Variants in CC2D2B observed in about 807,000 individuals in gnomAD.
CC2D2B encodes coiled-coil and C2 domain containing 2B.
Under a neutral mutation model 161.2 loss-of-function variants are expected in CC2D2B, and 128 were observed. That is an observed-to-expected ratio of 0.79 (90% CI 0.69 to 0.92). The LOEUF (loss-of-function observed/expected upper bound fraction) is 0.92. Ranked by LOEUF, CC2D2B falls within the 40% of genes least tolerant of loss-of-function variation. CC2D2B has a pLI of 0.00. For synonymous variants in CC2D2B, 391 were observed against 449.8 expected (o/e 0.87, Z 1.65); for missense variants, 1,173 against 1,375.1 (o/e 0.85, Z 2.32).
At chr10:95,991,183 G>T (rs1414591503) in intron 20 of CC2D2B, among the ~76,000 whole-genome samples, 187 bp from the exon 21 acceptor site, 1 of 152,188 alleles carries the variant, frequency 6.6e-6, no homozygotes, top group Non-Finnish European at 1.5e-5. Flanking sequence ...TGGTGTGACA[G>T]TGTCAAAGTT....
intron 28 of CC2D2B, 52 bp from the exon 29 acceptor site, chr10:96,013,736 G>T: frequency 9.3e-7 from 1 of 1,072,314 alleles, no homozygotes. Context: ...AAAGCATTGT[G>T]CTAAGTGATG....
In CC2D2B at chr10:95,916,962, G is replaced by A. The variant is rs368688557; in HGVS notation, c.37-5054G>A. ...TTTTTGGTTGATTTTCTGTCTGGAT[G>A]ATCTGTTCAGTGTTGAAAGTGGGCT... On this transcript the variant is annotated intron_variant, in intron 2 of 34. Transcript: ENST00000646931. Among the ~76,000 whole-genome samples, 196 of 142,090 alleles carry A rather than the reference G, an allele frequency of 1.4e-3. 2 individuals carry two copies. The highest frequency in any genetic ancestry group is 4.5e-3 in the African/African-American group (181 of 40,302). The allele number at this position is 142,090 out of a possible 152,430, so 93.2% of individuals were successfully genotyped here. A position where few individuals can be genotyped will look rare whatever the true frequency, so the allele number is the denominator to read the frequency against.
rs1380863648 is a variant in CC2D2B, at chr10:95,995,329, A to G, written c.2703A>G (p.Thr901=). 1 of 1,531,450 alleles carries G rather than the reference A, an allele frequency of 6.5e-7. No homozygotes were observed. Among genetic ancestry groups the G allele is most frequent in the Non-Finnish European group, 8.7e-7 (1 of 1,144,188 alleles). The allele number at this position is 1,531,450 out of a possible 1,614,324, so 94.9% of individuals were successfully genotyped here. A position where few individuals can be genotyped will look rare whatever the true frequency, so the allele number is the denominator to read the frequency against. ...TATCTTGCCTCAGACATAGAGAAAC[A>G]ATCAAATCAGTAGCCTCAGATGAGA... The part of the protein sequence containing the change: ...SSISCLRHRE[T]IKSVASDETL... The change falls in exon 23 of 35, where the codon ACA becomes ACG. Residue 901 remains threonine, a synonymous_variant. Transcript: ENST00000646931.
chr10:96,032,317 G>T lies in CC2D2B; in HGVS notation c.*309G>T. On this transcript the variant is annotated 3_prime_UTR_variant, in exon 35 of 35. Transcript: ENST00000646931. ...AAGCAATTTTGGCCTCTTCTCCTAAGACCAATGTTTCTCAAATTGTAGAAT... is the reference window on the plus strand; with the variant it reads ...AAGCAATTTTGGCCTCTTCTCCTAATACCAATGTTTCTCAAATTGTAGAAT... 3.8e-6 allele frequency: 1 copy of T among 263,224 alleles called. No individual in the cohort carries two copies. Among genetic ancestry groups the T allele is most frequent in the Non-Finnish European group, 7.3e-6 (1 of 137,236 alleles). The allele number at this position is 263,224 out of a possible 1,614,324, so 16.3% of individuals were successfully genotyped here. A position where few individuals can be genotyped will look rare whatever the true frequency, so the allele number is the denominator to read the frequency against.
At chr10:95,955,594 A>G (rs940013615) in intron 11 of CC2D2B, 103 bp downstream of exon 11, 3 of 393,752 alleles carry the variant, frequency 7.6e-6, no homozygotes, top group Admixed American at 4.4e-5. Context: ...CACAATCCTT[A>G]CTTTTTAGGC....
chr10:95,945,777 C>CTTTTT (rs34209550), intron 9 of CC2D2B, among the ~76,000 whole-genome samples: 8 of 81,128 alleles, frequency 9.9e-5, no homozygotes, highest in East Asian at 3.4e-4. Context: ...TAATGTTGGA[C>CTTTTT]TTTTTTTTTT....
At position 95,966,308 on chromosome 10, in the gene CC2D2B, C is replaced by T. The variant is rs1213777213; in HGVS notation, c.1466+6C>T. The T allele has an allele frequency of 4.0e-6, 4 of 991,756 alleles. No individual in the cohort carries two copies. The highest frequency in any genetic ancestry group is 3.9e-6 in the Non-Finnish European group (3 of 769,128). 61.4% of individuals were successfully genotyped at this position (991,756 alleles called of 1,614,324 possible). A position where few individuals can be genotyped will look rare whatever the true frequency, so the allele number is the denominator to read the frequency against. On this transcript the variant is annotated splice_donor_region_variant and intron_variant, in intron 14 of 34. Transcript: ENST00000646931. ...AGCTTATCCAAGTGTTCCTTGTAAG[C>T]ATGTTTAAATAATTATTTATTTATT...
chr10:95,955,242 T>TTATATAA (rs1162093595), intron 10 of CC2D2B, among the ~76,000 whole-genome samples, 152 bp from the exon 11 acceptor site: 4 of 152,106 alleles, frequency 2.6e-5, no homozygotes, highest in African/African-American at 9.7e-5. Flanking sequence ...CCCAAGGTGC[T>TTATATAA]TATATAAAAT....
rs2098506037 is a variant in CC2D2B at position 95,911,285 on chromosome 10, TTTC to T, written c.-23-13_-23-11del. On this transcript the variant is annotated splice_polypyrimidine_tract_variant and intron_variant, in intron 1 of 34. Transcript: ENST00000646931. ...TTATGATATGTCATTCTCAATAATA[TTTC>T]TTATTTATTTAGAAAGTTGAAATAA... 1 of 238,180 alleles carries T rather than the reference TTTC, an allele frequency of 4.2e-6. No homozygotes were observed. The highest frequency in any genetic ancestry group is 1.6e-4 in the South Asian group (1 of 6,386). 14.8% of individuals were successfully genotyped at this position (238,180 alleles called of 1,614,324 possible).
intron 5 of CC2D2B, among the ~76,000 whole-genome samples, chr10:95,926,852 G>GTGTGTGTC (rs1554829016): frequency 8.0e-5 from 12 of 150,274 alleles, no homozygotes; most frequent in East Asian, 2.0e-4. Context: ...GTGTGTCTGT[G>GTGTGTGTC]TGTGTGTGTG....
chr10:95,923,243 C>T (rs1343956102), intron 3 of CC2D2B, among the ~76,000 whole-genome samples: 1 of 138,920 alleles, frequency 7.2e-6, no homozygotes, highest in East Asian at 1.9e-4. Flanking sequence ...TGCCCAGCCC[C>T]CAAATTTGTG....
intron 25 of CC2D2B, among the ~76,000 whole-genome samples, chr10:96,007,882 C>T (rs1193088063): frequency 1.3e-5 from 2 of 152,010 alleles, no homozygotes; most frequent in African/African-American, 2.4e-5. Context: ...CCTGCTTCTC[C>T]CTACTATGAA....
At chr10:96,018,552 G>A (rs1453028682) in intron 30 of CC2D2B, among the ~76,000 whole-genome samples, 4 of 152,086 alleles carry the variant, frequency 2.6e-5, no homozygotes, top group African/African-American at 4.8e-5. Context: ...AAACACTGCA[G>A]TACTATCTGT....
Position 96,012,478 on chromosome 10 carries a change from T to G in CC2D2B, c.3229-54T>G. 8.4e-6 allele frequency: 11 copies of G among 1,310,854 alleles called. No homozygotes were observed. In the South Asian group the frequency reaches 1.4e-4, roughly 17 times the overall value. 81.2% of individuals were successfully genotyped at this position (1,310,854 alleles called of 1,614,324 possible). On this transcript the variant is annotated intron_variant, in intron 27 of 34. Coordinates refer to ENST00000646931, the MANE Select transcript of CC2D2B (RefSeq NM_001349008.3). ...AAAAATAAACATTGGTTCTTGATAT[T>G]TTCTTGTGAGAACAATACAGTACAA... is the stretch of plus-strand genomic sequence containing the variant.
intron 24 of CC2D2B, among the ~76,000 whole-genome samples, chr10:96,003,837 G>T (rs1265126702): frequency 6.6e-6 from 1 of 152,148 alleles, no homozygotes; most frequent in Non-Finnish European, 1.5e-5. Flanking sequence ...GCAGAAACTA[G>T]CAGAATTTAA....
rs769889840 is a variant in CC2D2B, at chr10:96,019,213, C to T, written c.3641C>T (p.Ala1214Val). 50 of 1,601,138 alleles carry T rather than the reference C, an allele frequency of 3.1e-5. 1 individual carries two copies. In the South Asian group the frequency reaches 5.5e-4, roughly 18 times the overall value. ...TTTTTTCTCATACAGGGGCATGTGG[C>T]TTATGTAGTAACTCAAGAAACTAAT... is the stretch of plus-strand genomic sequence containing the variant. ...LGTSVLEGHV[A>V]YVVTQETNEY... The change falls in exon 31 of 35, where the codon GCT (alanine) becomes GTT (valine). Residue 1214 changes from alanine to valine, a missense_variant. Ala to Val is a moderately conservative substitution (Grantham distance 64, BLOSUM62 0). This residue lies in a region of CC2D2B where 598 missense variants were observed against 693.2 expected (regional missense o/e 0.86). Coordinates refer to ENST00000646931, the MANE Select transcript of CC2D2B (RefSeq NM_001349008.3).
intron 16 of CC2D2B, 140 bp from the exon 17 acceptor site, chr10:95,973,861 CAAAAAAAA>C (rs576579109): frequency 2.1e-5 from 5 of 234,186 alleles, no homozygotes; most frequent in Non-Finnish European, 2.8e-5. Context: ...AACTCTGTCT[CAAAAAAAA>C]AAAAAAAAAA....
chr10:96,025,184 T>TATATATAA (rs2079683102), intron 33 of CC2D2B, among the ~76,000 whole-genome samples: 1 of 20,636 alleles, frequency 4.8e-5, no homozygotes, highest in Non-Finnish European at 9.6e-5. Flanking sequence ...TATATATATA[T>TATATATAA]AAAAAAAAAT....
At chr10:95,934,681 C>T (rs1166033036) in intron 6 of CC2D2B, among the ~76,000 whole-genome samples, 1 of 152,104 alleles carries the variant, frequency 6.6e-6, no homozygotes, top group Non-Finnish European at 1.5e-5. Context: ...TGAGGCGGTG[C>T]CCCACCCTGC....
Sources: allele counts gnomAD v4.1 joint callset (sites outside exome capture counted in the v4.1 genomes callset), GRCh38; gene constraint gnomAD v4.1.1; regional missense constraint gnomAD v4.1.1; transcripts MANE v1.5; gene names NCBI Gene and HGNC (gene_info 2026-07-23, HGNC 2026-07-21).